The following SPI1 variants were observed in gnomAD, a reference collection of about 807,000 sequenced individuals.
SPI1 encodes the protein Spi-1 proto-oncogene.
In SPI1, 3 loss-of-function variants were observed where a neutral mutation model predicts 30.7. The observed-to-expected ratio is 0.10, with a 90% CI of 0.04 to 0.25. SPI1 has a LOEUF of 0.25. Among genes scored for constraint, SPI1 ranks in the 10% least tolerant of loss-of-function variants. The pLI, the probability that SPI1 is intolerant of heterozygous loss-of-function variation, is 1.00. For synonymous variants in SPI1, 169 were observed against 157.1 expected, an observed-to-expected ratio of 1.08 and a Z score of -0.56; for missense variants, 261 against 371.5, an observed-to-expected ratio of 0.70 and a Z score of 2.45.
intron 4 of SPI1, among the ~76,000 whole-genome samples, chr11:47,357,050 CAA>C (rs1212700106): frequency 2.0e-5 from 3 of 151,610 alleles, no homozygotes; most frequent in Non-Finnish European, 2.9e-5. Flanking sequence ...CTTATGCTTA[CAA>C]ACTCATGCTC....
chr11:47,355,563 C>G lies in SPI1; in HGVS notation c.494-17G>C, dbSNP rs61897385. 13 of 1,550,768 alleles carry G rather than the reference C, an allele frequency of 8.4e-6. No homozygotes were observed. In the African/African-American group the frequency reaches 1.1e-4, roughly 13 times the overall value. ...TCTTGCTGCCTGCGGGGGGGAGGGC[C>G]CGGTGGGAGGGGGCCCGGGGCCCAC... On this transcript the variant is annotated splice_polypyrimidine_tract_variant and intron_variant, in intron 4 of 4. Coordinates refer to ENST00000378538, the MANE Select transcript of SPI1 (RefSeq NM_003120.3).
intron 4 of SPI1, chr11:47,358,330 C>T (rs1292222260): frequency 1.7e-6 from 1 of 574,446 alleles, no homozygotes; most frequent in Non-Finnish European, 3.1e-6. Flanking sequence ...CTCACATATA[C>T]CATGCTCACA....
intron 2 of SPI1, among the ~76,000 whole-genome samples, chr11:47,362,932 A>AT (rs59035750): frequency 0.62 from 93,153 of 150,782 alleles, 29,013 homozygotes; most frequent in South Asian, 0.69. Flanking sequence ...CTTACAAAAA[A>AT]TTTTTTTTAA....
At chr11:47,360,090 C>G in intron 2 of SPI1, 50 bp from the exon 3 acceptor site, 321 of 1,341,006 alleles carry the variant, frequency 2.4e-4, no homozygotes, top group Middle Eastern at 3.9e-4. Context: ...TTGGGCAGGG[C>G]AGGAAAAGGT....
At chr11:47,367,576 C>A (rs1012914336) in intron 2 of SPI1, among the ~76,000 whole-genome samples, 3 of 139,690 alleles carry the variant, frequency 2.1e-5, no homozygotes, top group African/African-American at 5.4e-5. Context: ...AAAATCCTAT[C>A]GTAAATAGCA....
Position 47,359,112 on chromosome 11 carries a change from A to T in SPI1, c.331-106T>A. ...AGAGAAGGAGTGCAGAGGGCAGGGG[A>T]CAATGGCAGGCACAGGAGACTGGAG... On this transcript the variant is annotated intron_variant, in intron 3 of 4. Coordinates refer to ENST00000378538, the MANE Select transcript of SPI1 (RefSeq NM_003120.3). This position sits in a 1 kb window ranked among gnomAD's most constrained non-coding sequence, Gnocchi z 5.1. 9.5e-7 allele frequency: 1 copy of T among 1,050,328 alleles called. No individual in the cohort carries two copies. Among genetic ancestry groups the T allele is most frequent in the Non-Finnish European group, 1.3e-6 (1 of 741,320 alleles). The allele number at this position is 1,050,328 out of a possible 1,614,324, so 65.1% of individuals were successfully genotyped here. A position where few individuals can be genotyped will look rare whatever the true frequency, so the allele number is the denominator to read the frequency against.
intron 4 of SPI1, among the ~76,000 whole-genome samples, chr11:47,357,053 ACT>A (rs1013092972): frequency 1.1e-4 from 16 of 149,870 alleles, no homozygotes; most frequent in Non-Finnish European, 2.1e-4. Flanking sequence ...ATGCTTACAA[ACT>A]CATGCTCACA....
chr11:47,357,543 CCTG>C (rs1172791422), intron 4 of SPI1, among the ~76,000 whole-genome samples: 1 of 151,478 alleles, frequency 6.6e-6, no homozygotes, highest in Non-Finnish European at 1.5e-5. Flanking sequence ...CTCACACACA[CCTG>C]CTCTCACACT....
intron 4 of SPI1, among the ~76,000 whole-genome samples, chr11:47,355,919 T>C (rs1308637803): frequency 6.8e-6 from 1 of 147,070 alleles, no homozygotes; most frequent in Non-Finnish European, 1.5e-5. Flanking sequence ...ACAACGCACC[T>C]TCTCACACCC....
Position 47,359,612 on chromosome 11 carries a change from T to C in SPI1, c.330+241A>G, listed in dbSNP as rs4752985. Among the ~76,000 whole-genome samples the C allele has an allele frequency of 0.99, 150,761 of 151,746 alleles. 74,896 individuals carry two copies. The highest frequency in any genetic ancestry group is 1 in the East Asian group (5,113 of 5,114). On this transcript the variant is annotated intron_variant, in intron 3 of 4. Coordinates refer to ENST00000378538, the MANE Select transcript of SPI1 (RefSeq NM_003120.3). This position sits in a 1 kb window ranked among gnomAD's most constrained non-coding sequence, Gnocchi z 5.1. Reference sequence around the variant, plus strand: ...AACAAGGCGTTGGGATGGGGAGGCTTGGTGAGGGTGCGAGAATTATCTGGG... The same window carrying C: ...AACAAGGCGTTGGGATGGGGAGGCTCGGTGAGGGTGCGAGAATTATCTGGG...
chr11:47,368,033 A>G (rs983036689), intron 2 of SPI1, among the ~76,000 whole-genome samples: 2 of 152,100 alleles, frequency 1.3e-5, no homozygotes, highest in Admixed American at 1.3e-4. Context: ...GATTACAGGC[A>G]TGAGCCACTG....
In SPI1 at chr11:47,359,088, GAGA is replaced by G. The variant is rs1352938685; in HGVS notation, c.331-85_331-83del. On this transcript the variant is annotated intron_variant, in intron 3 of 4. Coordinates refer to ENST00000378538, the MANE Select transcript of SPI1 (RefSeq NM_003120.3). This position sits in a 1 kb window ranked among gnomAD's most constrained non-coding sequence, Gnocchi z 5.1. ...GGCTGGGAGGGAGGTCAGCTGGGGA[GAGA>G]AGGAGTGCAGAGGGCAGGGGACAAT... 9 of 1,335,948 alleles carry G rather than the reference GAGA, an allele frequency of 6.7e-6. No homozygotes were observed. The highest frequency in any genetic ancestry group is 8.1e-6 in the Non-Finnish European group (8 of 985,064). 82.8% of individuals were successfully genotyped at this position (1,335,948 alleles called of 1,614,324 possible).
intron 2 of SPI1, among the ~76,000 whole-genome samples, chr11:47,360,492 C>T (rs866095571): frequency 6.1e-4 from 93 of 152,262 alleles, no homozygotes; most frequent in Middle Eastern, 3.4e-3. Context: ...GCACCAGAGC[C>T]GGCCCTCAGG....
intron 1 of SPI1, among the ~76,000 whole-genome samples, chr11:47,377,574 C>T (rs1416202498): frequency 6.6e-6 from 1 of 152,074 alleles, no homozygotes; most frequent in East Asian, 1.9e-4. Context: ...CCAGCCTCAG[C>T]CCCCATTCTC....
At chr11:47,362,202 G>C (rs1459010284) in intron 2 of SPI1, among the ~76,000 whole-genome samples, 1 of 152,016 alleles carries the variant, frequency 6.6e-6, no homozygotes, top group African/African-American at 2.4e-5. Flanking sequence ...ACTAGAACTT[G>C]GCACAAAGAC....
At chr11:47,356,376 A>C (rs944049238) in intron 4 of SPI1, among the ~76,000 whole-genome samples, 2 of 139,956 alleles carry the variant, frequency 1.4e-5, no homozygotes, top group African/African-American at 5.5e-5. Context: ...TCATGCTCAC[A>C]CCTCATTCAC....
chr11:47,361,121 A>T (rs1458592787), intron 2 of SPI1, among the ~76,000 whole-genome samples: 1 of 152,144 alleles, frequency 6.6e-6, no homozygotes, highest in African/African-American at 2.4e-5. Flanking sequence ...ACTCCGTCTC[A>T]AAAAGAAAAA....
chr11:47,358,206 C>T (rs2095914841), intron 4 of SPI1: 2 of 299,024 alleles, frequency 6.7e-6, no homozygotes, highest in African/African-American at 4.2e-5. Flanking sequence ...TTCACACACA[C>T]TTATATCACA....
intron 4 of SPI1, chr11:47,358,555 C>T (rs2095915615): frequency 1.4e-6 from 1 of 696,836 alleles, no homozygotes; most frequent in Non-Finnish European, 2.6e-6. Flanking sequence ...TGTGCACACG[C>T]ACCCTCTGCA....
Sources: allele counts gnomAD v4.1 joint callset (sites outside exome capture counted in the v4.1 genomes callset), GRCh38; gene constraint gnomAD v4.1.1; non-coding constraint Gnocchi (gnomAD v3.1); transcripts MANE v1.5; gene names NCBI Gene and HGNC (gene_info 2026-07-23, HGNC 2026-07-21).